LOC728392: variants seen among roughly 807,000 people sequenced by gnomAD.
At chr17:5,500,148 C>T in the LOC728392 span, 64,328 of 986,926 alleles carry the variant, frequency 0.065, 2,728 homozygotes, top group African/African-American at 0.18. The surrounding 1 kb of genome is among the most constrained non-coding windows in gnomAD (Gnocchi z 5.4). Flanking sequence ...CTCCGGCCCA[C>T]CCCGGGCCAG....
At chr17:5,500,444 A>G in the LOC728392 span, 1 of 1,139,564 alleles carries the variant, frequency 8.8e-7, no homozygotes, top group Non-Finnish European at 1.1e-6. This position sits in a 1 kb window ranked among gnomAD's most constrained non-coding sequence, Gnocchi z 5.4. Context: ...TCGTACTGAT[A>G]GACAAAGATA....
the LOC728392 span, chr17:5,500,845 G>A: frequency 1.9e-5 from 23 of 1,213,460 alleles, no homozygotes; most frequent in Admixed American, 4.0e-4. This position sits in a 1 kb window ranked among gnomAD's most constrained non-coding sequence, Gnocchi z 5.4. Flanking sequence ...CTGGGCCCGC[G>A]GGCAGCGGGA....
the LOC728392 span, chr17:5,500,102 G>C: frequency 1.0e-6 from 1 of 986,220 alleles, no homozygotes; most frequent in South Asian, 4.7e-5. This position sits in a 1 kb window ranked among gnomAD's most constrained non-coding sequence, Gnocchi z 5.4. Context: ...CTGGGGCACA[G>C]CTGGCTCCTC....
chr17:5,500,796 G>C, the LOC728392 span: 1 of 1,156,054 alleles, frequency 8.7e-7, no homozygotes, highest in South Asian at 1.7e-5. This position sits in a 1 kb window ranked among gnomAD's most constrained non-coding sequence, Gnocchi z 5.4. Flanking sequence ...CCTCCCGCCC[G>C]CGCGCCGACC....
chr17:5,499,503 A>G, the LOC728392 span: 1 of 152,354 alleles, frequency 6.6e-6, no homozygotes. Flanking sequence ...CAAGTAAATA[A>G]TATGCAGGGT....
chr17:5,500,921 AC>A, the LOC728392 span: 1 of 1,258,396 alleles, frequency 7.9e-7, no homozygotes, highest in Non-Finnish European at 1.0e-6. This position sits in a 1 kb window ranked among gnomAD's most constrained non-coding sequence, Gnocchi z 5.4. Flanking sequence ...TCTGCTCGAG[AC>A]CCCAGGGTCT....
chr17:5,500,966 C>A, the LOC728392 span: 4 of 1,241,302 alleles, frequency 3.2e-6, no homozygotes, highest in Admixed American at 2.6e-5. The surrounding 1 kb of genome is among the most constrained non-coding windows in gnomAD (Gnocchi z 5.4). Context: ...TGGGCAGGAT[C>A]GCGGGTAGGT....
the LOC728392 span, chr17:5,499,491 T>C: frequency 6.6e-6 from 1 of 152,290 alleles, no homozygotes; most frequent in African/African-American, 2.4e-5. Flanking sequence ...TACAGACATT[T>C]GCAAGTAAAT....
At chr17:5,499,779 G>T in the LOC728392 span, 31 of 985,776 alleles carry the variant, frequency 3.1e-5, no homozygotes, top group Middle Eastern at 5.2e-4. Flanking sequence ...GTGGACCCCG[G>T]CTAGGGCCCC....
chr17:5,500,651 G>A, the LOC728392 span: 4 of 1,275,662 alleles, frequency 3.1e-6, no homozygotes, highest in Admixed American at 7.6e-5. This position sits in a 1 kb window ranked among gnomAD's most constrained non-coding sequence, Gnocchi z 5.4. Flanking sequence ...TGGAGAAGGC[G>A]ATGGCTGCGT....
chr17:5,500,690 G>A, the LOC728392 span: 3 of 1,271,140 alleles, frequency 2.4e-6, no homozygotes, highest in South Asian at 1.3e-5. This position sits in a 1 kb window ranked among gnomAD's most constrained non-coding sequence, Gnocchi z 5.4. Flanking sequence ...GCGGAAAATG[G>A]TCGAGATAGC....
At chr17:5,500,426 T>C in the LOC728392 span, 6 of 1,116,890 alleles carry the variant, frequency 5.4e-6, no homozygotes, top group African/African-American at 5.2e-5. This position sits in a 1 kb window ranked among gnomAD's most constrained non-coding sequence, Gnocchi z 5.4. Flanking sequence ...GGCAGCTACT[T>C]TGTACTTTCG....
the LOC728392 span, chr17:5,500,968 C>A: frequency 8.1e-7 from 1 of 1,239,200 alleles, no homozygotes; most frequent in South Asian, 1.3e-5. This position sits in a 1 kb window ranked among gnomAD's most constrained non-coding sequence, Gnocchi z 5.4. Context: ...GGCAGGATCG[C>A]GGGTAGGTGG....
chr17:5,500,194 G>A, the LOC728392 span: 1 of 987,460 alleles, frequency 1.0e-6, no homozygotes, highest in Non-Finnish European at 1.2e-6. This position sits in a 1 kb window ranked among gnomAD's most constrained non-coding sequence, Gnocchi z 5.4. Context: ...TCTCTAGAAG[G>A]CCGCGGGTCT....
chr17:5,500,787 C>A, the LOC728392 span: 1 of 1,163,650 alleles, frequency 8.6e-7, no homozygotes, highest in South Asian at 1.7e-5. This position sits in a 1 kb window ranked among gnomAD's most constrained non-coding sequence, Gnocchi z 5.4. Context: ...CCCCTGCGCC[C>A]TCCCGCCCGC....
the LOC728392 span, chr17:5,500,004 C>T: frequency 1.0e-6 from 1 of 986,130 alleles, no homozygotes; most frequent in South Asian, 4.7e-5. The surrounding 1 kb of genome is among the most constrained non-coding windows in gnomAD (Gnocchi z 5.4). Flanking sequence ...GGGGGCGCAG[C>T]ACGACACCCC....
At chr17:5,500,151 C>G in the LOC728392 span, 8 of 986,920 alleles carry the variant, frequency 8.1e-6, no homozygotes, top group Admixed American at 6.1e-5. The surrounding 1 kb of genome is among the most constrained non-coding windows in gnomAD (Gnocchi z 5.4). Flanking sequence ...CGGCCCACCC[C>G]GGGCCAGGGC....
chr17:5,500,697 T>C, the LOC728392 span: 9 of 1,267,032 alleles, frequency 7.1e-6, no homozygotes, highest in Non-Finnish European at 9.2e-6. This position sits in a 1 kb window ranked among gnomAD's most constrained non-coding sequence, Gnocchi z 5.4. Flanking sequence ...ATGGTCGAGA[T>C]AGCAGCCCTC....
the LOC728392 span, chr17:5,499,612 GT>G: frequency 4.7e-5 from 11 of 236,148 alleles, no homozygotes; most frequent in Non-Finnish European, 6.3e-5. Context: ...AGCCTTTTGA[GT>G]CTTAAGATGA....
Sources: allele counts gnomAD v4.1 joint callset, GRCh38; gene constraint gnomAD v4.1.1; non-coding constraint Gnocchi (gnomAD v3.1); transcripts MANE v1.5.